The following CFAP47 variants were observed in gnomAD, a reference collection of about 807,000 sequenced individuals.
CFAP47 encodes cilia and flagella associated protein 47, also known as cilia- and flagella-associated protein 47.
Under a neutral mutation model 148.1 loss-of-function variants are expected in CFAP47, and 29 were observed. The observed-to-expected ratio is 0.20, with a 90% CI of 0.15 to 0.27. CFAP47 has a LOEUF of 0.27. Ranked by LOEUF, CFAP47 falls within the 10% of genes least tolerant of loss-of-function variation. The pLI is 1.00. For synonymous variants in CFAP47, 664 were observed against 577.3 expected (o/e 1.15, Z -2.15); for missense variants, 1,872 against 1,697.5 (o/e 1.10, Z -1.81).
intron 22 of CFAP47, among the ~76,000 whole-genome samples, chrX:36,029,800 C>T (rs1195259971): frequency 2.7e-5 from 3 of 110,155 alleles, no homozygotes; most frequent in African/African-American, 6.6e-5. Flanking sequence ...CCATTTTCCT[C>T]ATCTTTTTAT....
At chrX:36,360,753 A>G (rs1242554314) in intron 60 of CFAP47, among the ~76,000 whole-genome samples, 1 of 111,913 alleles carries the variant, frequency 8.9e-6, no homozygotes, top group Non-Finnish European at 1.9e-5. Flanking sequence ...AAAAACTACT[A>G]CTTTTCTTTG....
chrX:36,169,106 A>C (rs763173382), intron 39 of CFAP47, among the ~76,000 whole-genome samples: 2 of 111,041 alleles, frequency 1.8e-5, no homozygotes, highest in Non-Finnish European at 3.8e-5. Context: ...ATTGTCTTCT[A>C]TCTTCCAGCA....
intron 62 of CFAP47, among the ~76,000 whole-genome samples, chrX:36,369,901 G>A (rs1941913743): frequency 9.0e-6 from 1 of 111,335 alleles, no homozygotes; most frequent in African/African-American, 3.3e-5. Context: ...TGGGAAAATT[G>A]TTAAAGAATG....
chrX:36,189,192 A>G (rs1364422480), intron 41 of CFAP47, among the ~76,000 whole-genome samples: 1 of 111,487 alleles, frequency 9.0e-6, no homozygotes, highest in Non-Finnish European at 1.9e-5. Flanking sequence ...ACACAAATTA[A>G]TAATAATGGT....
At chrX:36,159,829 G>A (rs927087165) in intron 38 of CFAP47, among the ~76,000 whole-genome samples, 1 of 111,662 alleles carries the variant, frequency 9.0e-6, no homozygotes, top group East Asian at 2.8e-4. Flanking sequence ...TTTATCTTGT[G>A]TGTCCTGTAG....
chrX:36,228,808 C>T lies in CFAP47; in HGVS notation c.6998C>T (p.Thr2333Ile). 1 of 523,805 alleles carries T rather than the reference C, an allele frequency of 1.9e-6. No homozygotes were observed. Among genetic ancestry groups the T allele is most frequent in the Non-Finnish European group, 3.5e-6 (1 of 285,761 alleles). 43.2% of individuals were successfully genotyped at this position (523,805 alleles called of 1,213,427 possible). ...EFETPAFEAL[T>I]QNIPIKNQTN... ...GAAACACCAGCATTTGAAGCCCTTA[C>T]TCAGAATATTCCAATAGTATGTATA... Residue 2333 changes from threonine (T) to isoleucine (I), a missense_variant, in exon 46 of 64, where the codon ACT becomes ATT. Transcript: ENST00000378653.
At chrX:36,289,103 C>T (rs1244805712) in intron 51 of CFAP47, among the ~76,000 whole-genome samples, 1 of 102,563 alleles carries the variant, frequency 9.8e-6, no homozygotes, top group Non-Finnish European at 2.0e-5. Context: ...CGGGTTCAAG[C>T]GATTCTCCTG....
chrX:35,958,854 G>T (rs1052996449), intron 8 of CFAP47, among the ~76,000 whole-genome samples: 5 of 111,898 alleles, frequency 4.5e-5, no homozygotes, highest in Non-Finnish European at 9.4e-5. Context: ...AATTAGCCTG[G>T]ATTTTCCAGG....
At chrX:35,942,576 A>G (rs956390462) in intron 3 of CFAP47, among the ~76,000 whole-genome samples, 96 of 108,314 alleles carry the variant, frequency 8.9e-4, no homozygotes, top group Non-Finnish European at 2.5e-4. Flanking sequence ...TAGAGCACTG[A>G]TATTTAATTA....
At chrX:36,377,783 C>A (rs1030991741) in intron 62 of CFAP47, among the ~76,000 whole-genome samples, 1 of 112,093 alleles carries the variant, frequency 8.9e-6, no homozygotes, top group Non-Finnish European at 1.9e-5. Context: ...AGAACAACAG[C>A]GATACTGATG....
intron 30 of CFAP47, among the ~76,000 whole-genome samples, chrX:36,085,961 T>C (rs1300253905): frequency 9.0e-6 from 1 of 110,822 alleles, no homozygotes; most frequent in Non-Finnish European, 1.9e-5. Flanking sequence ...ATTTTGAAAA[T>C]CCTGGTCTAC....
At chrX:36,060,264 A>T (rs769426457) in intron 26 of CFAP47, among the ~76,000 whole-genome samples, 16 of 111,720 alleles carry the variant, frequency 1.4e-4, no homozygotes, top group Non-Finnish European at 3.0e-4. Context: ...ACATTTTAGA[A>T]GTGATAAATT....
intron 49 of CFAP47, among the ~76,000 whole-genome samples, chrX:36,269,425 G>A (rs782264841): frequency 5.4e-5 from 6 of 112,074 alleles, no homozygotes; most frequent in Non-Finnish European, 1.1e-4. Flanking sequence ...TCTCCTGGAT[G>A]TATAAATATG....
intron 46 of CFAP47, among the ~76,000 whole-genome samples, chrX:36,230,704 G>C (rs1187537771): frequency 9.1e-6 from 1 of 109,502 alleles, no homozygotes; most frequent in African/African-American, 3.4e-5. Flanking sequence ...GTCCTGAATG[G>C]TAATGCCTAG....
At chrX:36,154,102 T>C (rs1484956386) in intron 37 of CFAP47, among the ~76,000 whole-genome samples, 1 of 112,241 alleles carries the variant, frequency 8.9e-6, no homozygotes, top group Non-Finnish European at 1.9e-5. Flanking sequence ...CCCCTAAACA[T>C]GTTTGTTCTC....
At chrX:36,005,623 G>A (rs1284691137) in intron 21 of CFAP47, among the ~76,000 whole-genome samples, 1 of 111,872 alleles carries the variant, frequency 8.9e-6, no homozygotes, top group Non-Finnish European at 1.9e-5. Flanking sequence ...GTTGCAGTAA[G>A]TCTAAAACAA....
intron 3 of CFAP47, among the ~76,000 whole-genome samples, chrX:35,942,133 C>G (rs1361894800): frequency 2.7e-5 from 3 of 110,669 alleles, no homozygotes; most frequent in Non-Finnish European, 5.7e-5. Context: ...TGTCCTGATT[C>G]AATGGCATGT....
intron 51 of CFAP47, among the ~76,000 whole-genome samples, chrX:36,290,012 A>G (rs781858926): frequency 6.4e-5 from 7 of 110,183 alleles, no homozygotes; most frequent in African/African-American, 1.7e-4. Flanking sequence ...AGTCTCCCCC[A>G]GTCGTCCCAT....
chrX:35,976,877 G>C (rs6632451), intron 15 of CFAP47, among the ~76,000 whole-genome samples: 20,535 of 110,729 alleles, frequency 0.19, 2,278 homozygotes, highest in African/African-American at 0.38. Flanking sequence ...TATTTGTGAA[G>C]CATCCTCTTA....
Sources: allele counts gnomAD v4.1 joint callset (sites outside exome capture counted in the v4.1 genomes callset), GRCh38; gene constraint gnomAD v4.1.1; transcripts MANE v1.5; gene names NCBI Gene and HGNC (gene_info 2026-07-23, HGNC 2026-07-21).